Variants in ABI3BP observed in about 807,000 individuals in gnomAD.
The protein encoded by ABI3BP is ABI family member 3 binding protein.
A neutral mutation model predicts 268.6 loss-of-function variants in ABI3BP; 216 were observed. The ratio of observed to expected loss-of-function variants is 0.80; its 90% CI spans 0.72 to 0.90. The LOEUF (loss-of-function observed/expected upper bound fraction) is 0.90. Ranked by LOEUF, ABI3BP falls within the 40% of genes least tolerant of loss-of-function variation. The probability of loss-of-function intolerance (pLI) is 0.00; values close to 1 mark genes in which losing one functional copy is unlikely to be tolerated. For synonymous variants in ABI3BP, 730 were observed against 730.0 expected, an observed-to-expected ratio of 1.00 and a Z score of 0.00; for missense variants, 2,090 against 2,182.4, an observed-to-expected ratio of 0.96 and a Z score of 0.84.
At chr3:100,889,939 G>C (rs2043755560) in intron 4 of ABI3BP, among the ~76,000 whole-genome samples, 1 of 152,106 alleles carries the variant, frequency 6.6e-6, no homozygotes, top group Non-Finnish European at 1.5e-5. Context: ...CTCAGAGAGG[G>C]ACTGGACTCC....
intron 33 of ABI3BP, 38 bp downstream of exon 33, chr3:100,829,543 G>T: frequency 1.3e-6 from 2 of 1,500,242 alleles, no homozygotes; most frequent in Non-Finnish European, 1.8e-6. Flanking sequence ...CACTGGGGTG[G>T]GCTGTTAGGA....
chr3:100,864,999 G>A (rs2099036016), intron 10 of ABI3BP, 92 bp from the exon 11 acceptor site: 13 of 943,124 alleles, frequency 1.4e-5, no homozygotes, highest in Admixed American at 4.8e-5. Context: ...AGAATTAGTG[G>A]CTGATATTTG....
At chr3:100,842,124 G>T (rs2098713747) in intron 20 of ABI3BP, 85 bp from the exon 21 acceptor site, 2 of 1,145,930 alleles carry the variant, frequency 1.7e-6, no homozygotes, top group South Asian at 1.3e-5. Context: ...TATAAACGGA[G>T]TTCTCTCCTG....
chr3:100,975,983 G>A (rs2086000665), intron 1 of ABI3BP, among the ~76,000 whole-genome samples: 1 of 152,178 alleles, frequency 6.6e-6, no homozygotes, highest in Non-Finnish European at 1.5e-5. Flanking sequence ...CAATTTTTAT[G>A]TTTTGTTATA....
At chr3:100,886,055 T>C in intron 5 of ABI3BP, 87 bp downstream of exon 5, 1 of 1,023,034 alleles carries the variant, frequency 9.8e-7, no homozygotes, top group Non-Finnish European at 1.4e-6. Flanking sequence ...TTATTTCATA[T>C]TATACAATGA....
At position 100,821,063 on chromosome 3, in the gene ABI3BP, T is replaced by A; in HGVS notation, c.2938A>T (p.Thr980Ser). The change falls in exon 39 of 68, where the codon ACA (threonine) becomes TCA (serine). Residue 980 changes from threonine to serine, a missense_variant. Coordinates refer to ENST00000471714, the MANE Select transcript of ABI3BP (RefSeq NM_001375547.2). The part of the protein sequence containing the change: ...PVTLRTETWV[T>S]TQAPKTSQRT... ...TGCAACGTGCTATTACCTTGTGTTG[T>A]CACCCAAGTCTCAGTTCTGAGTGTA... is the stretch of plus-strand genomic sequence containing the variant. The A allele has an allele frequency of 6.5e-7, 1 of 1,535,816 alleles. No homozygotes were observed. Among genetic ancestry groups the A allele is most frequent in the South Asian group, 1.2e-5 (1 of 84,054 alleles).
intron 2 of ABI3BP, among the ~76,000 whole-genome samples, chr3:100,905,250 G>A (rs1243652053): frequency 2.6e-5 from 4 of 152,076 alleles, no homozygotes; most frequent in Non-Finnish European, 4.4e-5. Context: ...ATCACACACC[G>A]GGGCCTGTTG....
chr3:100,895,215 A>AT (rs1188520485), intron 4 of ABI3BP, among the ~76,000 whole-genome samples: 3 of 152,088 alleles, frequency 2.0e-5, no homozygotes, highest in African/African-American at 7.2e-5. Context: ...TTGAAGACAA[A>AT]TGGGTACACT....
chr3:100,880,062 T>G (rs2099210763), intron 6 of ABI3BP, among the ~76,000 whole-genome samples: 1 of 152,248 alleles, frequency 6.6e-6, no homozygotes, highest in Non-Finnish European at 1.5e-5. Flanking sequence ...TTAATAGAAC[T>G]GTTTTACGTA....
At chr3:100,835,681 A>C in intron 27 of ABI3BP, 21 bp from the exon 28 acceptor site, 2 of 1,516,506 alleles carry the variant, frequency 1.3e-6, no homozygotes, top group Non-Finnish European at 1.8e-6. Context: ...GCAATACAAT[A>C]AACAATGGAG....
chr3:100,818,737 A>AT (rs901250873), intron 40 of ABI3BP, among the ~76,000 whole-genome samples, 156 bp from the exon 41 acceptor site: 2 of 152,230 alleles, frequency 1.3e-5, no homozygotes, highest in Non-Finnish European at 2.9e-5. Flanking sequence ...CAGATAAACA[A>AT]TTTTTTTAAA....
chr3:100,878,316 G>A (rs1292327585), intron 6 of ABI3BP, among the ~76,000 whole-genome samples: 1 of 152,038 alleles, frequency 6.6e-6, no homozygotes, highest in Non-Finnish European at 1.5e-5. Flanking sequence ...ATAAATCACT[G>A]TTTCCTTAAA....
chr3:100,834,763 T>C lies in ABI3BP; in HGVS notation c.2202A>G (p.Thr734=), dbSNP rs2098549707. The C allele has an allele frequency of 1.3e-6, 2 of 1,535,660 alleles. No individual in the cohort carries two copies. The highest frequency in any genetic ancestry group is 2.4e-5 in the East Asian group (1 of 40,902). Residue 734 remains threonine (T), a synonymous_variant, in exon 29 of 68, where the codon ACA becomes ACG. Coordinates refer to ENST00000471714, the MANE Select transcript of ABI3BP (RefSeq NM_001375547.2). ...EATVTTLAPK[T]SQRTRTRRPR... ...GACGACGTGTTCTTGTTCGTTGCGATGTTTTTGGAGCTAAAGAAAGGAAAC... is the reference window on the plus strand; with the variant it reads ...GACGACGTGTTCTTGTTCGTTGCGACGTTTTTGGAGCTAAAGAAAGGAAAC...
chr3:100,808,211 G>A lies in ABI3BP; in HGVS notation c.3632C>T (p.Pro1211Leu). The A allele has an allele frequency of 1.2e-6, 2 of 1,611,210 alleles. No homozygotes were observed. The highest frequency in any genetic ancestry group is 1.7e-6 in the Non-Finnish European group (2 of 1,178,292). ...EPAPKQTPRA[P>L]PKPKTSPRPR... Reference sequence around the variant, plus strand: ...GCGTGGTGATGTTTTTGGCTTAGGAGGAGCACGTGGTGTCTGCTTGGGAGC... The same window carrying A: ...GCGTGGTGATGTTTTTGGCTTAGGAAGAGCACGTGGTGTCTGCTTGGGAGC... Residue 1211 changes from proline (P) to leucine (L), a missense_variant, in exon 50 of 68, where the codon CCT (proline) becomes CTT (leucine). Coordinates refer to ENST00000471714, the MANE Select transcript of ABI3BP (RefSeq NM_001375547.2).
chr3:100,989,880 A>G (rs2092650544), intron 1 of ABI3BP, among the ~76,000 whole-genome samples: 1 of 152,236 alleles, frequency 6.6e-6, no homozygotes, highest in Non-Finnish European at 1.5e-5. Context: ...TTCCAAAGGT[A>G]TAAAACAATG....
intron 1 of ABI3BP, among the ~76,000 whole-genome samples, chr3:100,969,324 G>A (rs1306739104): frequency 6.6e-6 from 1 of 152,158 alleles, no homozygotes; most frequent in East Asian, 1.9e-4. Context: ...GATGACATAT[G>A]TAGGGCTCTA....
At chr3:100,894,811 T>C (rs954913539) in intron 4 of ABI3BP, among the ~76,000 whole-genome samples, 30 of 151,176 alleles carry the variant, frequency 2.0e-4, no homozygotes, top group African/African-American at 4.4e-4. Context: ...TGGTGGCCGG[T>C]GCCTGTAGTC....
intron 2 of ABI3BP, among the ~76,000 whole-genome samples, chr3:100,921,543 A>G (rs537343903): frequency 6.6e-6 from 1 of 151,996 alleles, no homozygotes; most frequent in Admixed American, 6.6e-5. Flanking sequence ...AGGAACTTAG[A>G]GGATCTATGA....
intron 67 of ABI3BP, among the ~76,000 whole-genome samples, chr3:100,751,210 A>T (rs909162817): frequency 9.2e-5 from 14 of 152,152 alleles, no homozygotes; most frequent in Non-Finnish European, 1.3e-4. Flanking sequence ...TAGTTAAAAA[A>T]TTTTTTTTCT....
Sources: allele counts gnomAD v4.1 joint callset (sites outside exome capture counted in the v4.1 genomes callset), GRCh38; gene constraint gnomAD v4.1.1; transcripts MANE v1.5; gene names NCBI Gene and HGNC (gene_info 2026-07-23, HGNC 2026-07-21).